The following PLGRKT variants were observed in gnomAD, a reference collection of about 807,000 sequenced individuals.
The protein encoded by PLGRKT is plasminogen receptor (KT).
PLGRKT carries 22 observed loss-of-function variants against 18.5 expected under a neutral mutation model. That is an observed-to-expected ratio of 1.19 (90% confidence interval 0.85 to 1.70). The LOEUF is 1.70. PLGRKT is among the 40% of genes most tolerant of loss of function. The pLI is 0.00. For missense variants in PLGRKT, 235 were observed against 174.4 expected, an observed-to-expected ratio of 1.35 and a Z score of -1.96; for synonymous variants, 72 against 52.8, an observed-to-expected ratio of 1.36 and a Z score of -1.58.
intron 3 of PLGRKT, among the ~76,000 whole-genome samples, chr9:5,431,257 G>T (rs1818816120): frequency 6.6e-6 from 1 of 152,054 alleles, no homozygotes; most frequent in African/African-American, 2.4e-5. Context: ...AGACCCTTGT[G>T]GGCCAGGCAC....
At position 5,418,716 on chromosome 9, in the gene PLGRKT, C is replaced by T. The variant is rs1188815357; in HGVS notation, c.81+13181G>A. 1.5e-5 allele frequency: 10 copies of T among 667,064 alleles called. No individual in the cohort carries two copies. Among genetic ancestry groups the T allele is most frequent in the Middle Eastern group, 5.1e-4 (2 of 3,950 alleles). The allele number at this position is 667,064 out of a possible 1,614,324, so 41.3% of individuals were successfully genotyped here. On this transcript the variant is annotated intron_variant, in intron 3 of 5. Transcript: ENST00000223864. The surrounding 1 kb of genome is among the most constrained non-coding windows in gnomAD (Gnocchi z 4.2). ...TGCCGGGAAGTCTGATGAAGACCGG[C>T]ATGTGCTCCGAAGCGTGTGGAATGG...
At chr9:5,397,720 C>G (rs1818080306) in intron 3 of PLGRKT, among the ~76,000 whole-genome samples, 1 of 151,760 alleles carries the variant, frequency 6.6e-6, no homozygotes, top group Non-Finnish European at 1.5e-5. Context: ...AAGGAGAAAG[C>G]AAGAACACTA....
intron 5 of PLGRKT, 141 bp from the exon 6 acceptor site, chr9:5,358,501 G>C: frequency 1.6e-6 from 1 of 610,108 alleles, no homozygotes; most frequent in South Asian, 2.7e-5. Flanking sequence ...TTTTCCTCAG[G>C]AGAAGTAATA....
chr9:5,413,314 G>T (rs1000087609), intron 3 of PLGRKT, among the ~76,000 whole-genome samples: 2 of 152,162 alleles, frequency 1.3e-5, no homozygotes, highest in Non-Finnish European at 2.9e-5. Flanking sequence ...AAGTACCTGG[G>T]GTGGGCAGAA....
intron 3 of PLGRKT, among the ~76,000 whole-genome samples, chr9:5,400,074 T>A (rs909217759): frequency 6.6e-6 from 1 of 151,922 alleles, no homozygotes; most frequent in African/African-American, 2.4e-5. Context: ...TATTGTTATA[T>A]GTGCAAAAAA....
intron 3 of PLGRKT, chr9:5,381,880 A>C (rs1586713618): frequency 1.0e-6 from 1 of 984,696 alleles, no homozygotes; most frequent in South Asian, 4.7e-5. Context: ...ACAGATCCTT[A>C]AGTTGTACCA....
intron 3 of PLGRKT, among the ~76,000 whole-genome samples, chr9:5,370,104 T>C (rs1563768162): frequency 6.6e-6 from 1 of 151,814 alleles, no homozygotes; most frequent in African/African-American, 2.4e-5. Context: ...AAAGTAAAAA[T>C]AAAAATAAAA....
At chr9:5,377,844 G>A (rs943353416) in intron 3 of PLGRKT, among the ~76,000 whole-genome samples, 2 of 152,166 alleles carry the variant, frequency 1.3e-5, no homozygotes, top group Non-Finnish European at 2.9e-5. Flanking sequence ...TCTAGGGGAT[G>A]GGGTCTGAAA....
intron 3 of PLGRKT, among the ~76,000 whole-genome samples, chr9:5,430,322 G>C (rs1364499184): frequency 3.3e-5 from 5 of 152,204 alleles, no homozygotes; most frequent in African/African-American, 9.7e-5. Flanking sequence ...TCTTTGACAA[G>C]GACGTGCTAA....
At chr9:5,361,651 A>G (rs1817267565) in intron 4 of PLGRKT, 107 bp downstream of exon 4, 1 of 1,050,636 alleles carries the variant, frequency 9.5e-7, no homozygotes, top group Non-Finnish European at 1.4e-6. Context: ...TTGGTTACAT[A>G]CACTATTTGG....
chr9:5,386,356 A>G (rs1489954195), intron 3 of PLGRKT, among the ~76,000 whole-genome samples: 1 of 151,912 alleles, frequency 6.6e-6, no homozygotes, highest in Admixed American at 6.6e-5. Flanking sequence ...GTTCTCAACC[A>G]GGCATGATTT....
rs142991434 is a variant in PLGRKT at position 5,401,836 on chromosome 9, C to T, written c.81+30061G>A. ...TATTTTATTTTTTCCTTCCCAAAGG[C>T]GGTGTCAAGGGGACATCAATTCTAT... On this transcript the variant is annotated intron_variant, in intron 3 of 5. Coordinates refer to ENST00000223864, the MANE Select transcript of PLGRKT (RefSeq NM_018465.4). 9.2e-5 allele frequency among the ~76,000 whole-genome samples: 14 copies of T among 152,006 alleles called. 1 individual carries two copies. The highest frequency in any genetic ancestry group is 2.7e-4 in the African/African-American group (11 of 41,324).
chr9:5,415,938 A>T (rs1818450175), intron 3 of PLGRKT, among the ~76,000 whole-genome samples: 1 of 137,902 alleles, frequency 7.3e-6, no homozygotes, highest in African/African-American at 2.8e-5. Flanking sequence ...TTAGGAAAAA[A>T]CTGGTGAAAT....
intron 3 of PLGRKT, among the ~76,000 whole-genome samples, chr9:5,408,253 A>C (rs1196934256): frequency 6.6e-6 from 1 of 152,208 alleles, no homozygotes; most frequent in Non-Finnish European, 1.5e-5. Flanking sequence ...AGACTTGCTG[A>C]ATGGTTGTGA....
chr9:5,360,671 G>C (rs1817243088), intron 5 of PLGRKT, among the ~76,000 whole-genome samples: 1 of 152,004 alleles, frequency 6.6e-6, no homozygotes, highest in South Asian at 2.1e-4. Context: ...TATTATATCT[G>C]CATTTCTATC....
chr9:5,414,726 T>C (rs575553395), intron 3 of PLGRKT, among the ~76,000 whole-genome samples: 46 of 152,326 alleles, frequency 3.0e-4, no homozygotes, highest in Non-Finnish European at 5.4e-4. Flanking sequence ...CGAATCTGTT[T>C]CTCACAGGGG....
At position 5,361,804 on chromosome 9, in the gene PLGRKT, A is replaced by G; in HGVS notation, c.166T>C (p.Tyr56His). ...QIAWSREFLK[Y>H]FGTFFGLAAI... is the part of the protein sequence containing the mutation. ...GCAAGGCCAAAAAAAGTTCCAAAAT[A>G]TTTGAGGAATTCCCGAGACCACGCA... is the stretch of plus-strand genomic sequence containing the variant. The change falls in exon 4 of 6, where the codon TAT becomes CAT. Residue 56 changes from tyrosine (Y) to histidine (H), a missense_variant. By Grantham distance (83) the Tyr-to-His change is moderately conservative. Coordinates refer to ENST00000223864, the MANE Select transcript of PLGRKT (RefSeq NM_018465.4). 6.2e-7 allele frequency: 1 copy of G among 1,613,440 alleles called. No homozygotes were observed. The highest frequency in any genetic ancestry group is 8.5e-7 in the Non-Finnish European group (1 of 1,179,690).
rs59551404 is a variant in PLGRKT at position 5,410,498 on chromosome 9, C to CA, written c.81+21398dup. Among the ~76,000 whole-genome samples the CA allele has an allele frequency of 2.4e-3, 297 of 121,936 alleles. 1 individual carries two copies. In the East Asian group the frequency reaches 0.028, roughly 12 times the overall value. 80.0% of individuals were successfully genotyped at this position (121,936 alleles called of 152,430 possible). A position where few individuals can be genotyped will look rare whatever the true frequency, so the allele number is the denominator to read the frequency against. Reference sequence around the variant, plus strand: ...TGGGTAACAGAGCAAGACTCTGTCTCAAAAAAAAAAAAAAAGGAAAAAGAA... The same window carrying CA: ...TGGGTAACAGAGCAAGACTCTGTCTCAAAAAAAAAAAAAAAAGGAAAAAGAA... On this transcript the variant is annotated intron_variant, in intron 3 of 5. Transcript: ENST00000223864.
At chr9:5,371,957 C>T (rs1183618820) in intron 3 of PLGRKT, among the ~76,000 whole-genome samples, 7 of 144,072 alleles carry the variant, frequency 4.9e-5, no homozygotes, top group Non-Finnish European at 1.5e-5. Context: ...GGAACCAAGA[C>T]GTGCTGCAAA....
Sources: allele counts gnomAD v4.1 joint callset (sites outside exome capture counted in the v4.1 genomes callset), GRCh38; gene constraint gnomAD v4.1.1; non-coding constraint Gnocchi (gnomAD v3.1); transcripts MANE v1.5; gene names NCBI Gene and HGNC (gene_info 2026-07-23, HGNC 2026-07-21).